Variants in MYO5B observed in about 807,000 individuals in gnomAD.
The protein encoded by MYO5B is unconventional myosin-Vb.
A neutral mutation model predicts 229.3 loss-of-function variants in MYO5B; 143 were observed. The observed-to-expected ratio is 0.62, with a 90% CI of 0.54 to 0.72. The LOEUF is 0.72. MYO5B is among the 30% of genes least tolerant of loss of function. The pLI, the probability that MYO5B is intolerant of heterozygous loss-of-function variation, is 0.00. For synonymous variants in MYO5B, 918 were observed against 885.2 expected (o/e 1.04, Z -0.66); for missense variants, 2,321 against 2,331.0 (o/e 1.00, Z 0.09).
intron 2 of MYO5B, among the ~76,000 whole-genome samples, chr18:50,048,882 C>T (rs1017632182): frequency 3.1e-4 from 47 of 151,970 alleles, no homozygotes; most frequent in African/African-American, 1.1e-3. Context: ...AATTAGCTGG[C>T]GTGGTGGCAT....
At chr18:49,960,732 C>T (rs934278798) in intron 12 of MYO5B, among the ~76,000 whole-genome samples, 1 of 152,214 alleles carries the variant, frequency 6.6e-6, no homozygotes, top group Non-Finnish European at 1.5e-5. Context: ...TGAGTTTACA[C>T]GTGTCACATC....
chr18:50,004,684 T>C (rs1363812084), intron 4 of MYO5B, among the ~76,000 whole-genome samples: 1 of 152,122 alleles, frequency 6.6e-6, no homozygotes, highest in Non-Finnish European at 1.5e-5. Flanking sequence ...AGGAGGATCA[T>C]GAGAGCCCAT....
chr18:50,151,677 C>T (rs1257782499), intron 1 of MYO5B, among the ~76,000 whole-genome samples: 1 of 152,032 alleles, frequency 6.6e-6, no homozygotes, highest in Non-Finnish European at 1.5e-5. Context: ...CACTAGTTTC[C>T]CTTCTTCTAA....
At chr18:50,180,274 G>T (rs1317597681) in intron 1 of MYO5B, among the ~76,000 whole-genome samples, 1 of 152,158 alleles carries the variant, frequency 6.6e-6, no homozygotes, top group African/African-American at 2.4e-5. Flanking sequence ...GGCTTCCCAA[G>T]GACATGACCT....
At chr18:50,182,213 G>T (rs866651112) in intron 1 of MYO5B, among the ~76,000 whole-genome samples, 45 of 152,304 alleles carry the variant, frequency 3.0e-4, no homozygotes, top group African/African-American at 1.0e-3. Flanking sequence ...GGTGAGAGAA[G>T]AAAACAACTC....
intron 14 of MYO5B, among the ~76,000 whole-genome samples, chr18:49,939,504 T>C (rs1370187555): frequency 6.6e-6 from 1 of 152,208 alleles, no homozygotes; most frequent in East Asian, 1.9e-4. Context: ...GTATTTTTGA[T>C]CTGAAGAAAC....
In MYO5B at chr18:49,852,452, T is replaced by C. The variant is rs115769794; in HGVS notation, c.4221+997A>G. On this transcript the variant is annotated intron_variant, in intron 31 of 39. Transcript: ENST00000285039. ...GGGAGAGAGAGGGAGGGAGGGAAGATCATGTGTATGTAAGTGCTATTCAGC... is the reference window on the plus strand; with the variant it reads ...GGGAGAGAGAGGGAGGGAGGGAAGACCATGTGTATGTAAGTGCTATTCAGC... 1.6e-3 allele frequency among the ~76,000 whole-genome samples: 250 copies of C among 152,214 alleles called. 1 individual carries two copies. Among genetic ancestry groups the C allele is most frequent in the African/African-American group, 5.7e-3 (236 of 41,512 alleles).
rs192135533 is a variant in MYO5B at position 49,954,435 on chromosome 18, C to T, written c.1546G>A (p.Val516Ile). Residue 516 changes from valine to isoleucine, a missense_variant and splice_region_variant, in exon 13 of 40, where the codon GTC becomes ATC. This residue lies in a region of MYO5B where 2,113 missense variants were observed against 2,044.7 expected (regional missense o/e 1.03). Coordinates refer to ENST00000285039, the MANE Select transcript of MYO5B (RefSeq NM_001080467.3). ...CAGTTCTGGTCAGTTCCTTTGGGGA[C>T]CTGCAGAACCACAAGATAGGGCAGA... ...ILDLLDEECK[V>I]PKGTDQNWAQ... The T allele has an allele frequency of 2.7e-4, 442 of 1,613,848 alleles. 1 individual carries two copies. The African/African-American group carries it at 3.8e-3, about 14-fold the overall frequency.
At chr18:50,036,081 A>G (rs1346217118) in intron 4 of MYO5B, among the ~76,000 whole-genome samples, 1 of 152,230 alleles carries the variant, frequency 6.6e-6, no homozygotes, top group Non-Finnish European at 1.5e-5. Flanking sequence ...CTCCAAAAAG[A>G]CTTTGCTATA....
Position 49,979,202 on chromosome 18 carries a change from C to T in MYO5B, c.1056+1242G>A, listed in dbSNP as rs144923829. ...AACTCCACTGTACCATGCCCTCCTT[C>T]CCCCTAAGGTGAGCACCCACACAGG... On this transcript the variant is annotated intron_variant, in intron 9 of 39. Transcript: ENST00000285039. 6.0e-3 allele frequency among the ~76,000 whole-genome samples: 919 copies of T among 152,308 alleles called. 8 individuals are homozygous for T. The highest frequency in any genetic ancestry group is 0.022 in the South Asian group (107 of 4,828).
intron 4 of MYO5B, among the ~76,000 whole-genome samples, chr18:50,028,771 T>C (rs1394588342): frequency 6.6e-6 from 1 of 152,232 alleles, no homozygotes; most frequent in African/African-American, 2.4e-5. Flanking sequence ...TTCCACCGGG[T>C]GACGCAGGCT....
chr18:50,009,961 T>C (rs1179915186), intron 4 of MYO5B, among the ~76,000 whole-genome samples: 1 of 152,138 alleles, frequency 6.6e-6, no homozygotes, highest in Non-Finnish European at 1.5e-5. Flanking sequence ...CCTCATGCAG[T>C]CTGCCACCAG....
chr18:50,043,290 A>T (rs1262718719), intron 2 of MYO5B, among the ~76,000 whole-genome samples: 1 of 83,478 alleles, frequency 1.2e-5, no homozygotes, highest in Non-Finnish European at 2.3e-5. Flanking sequence ...ATATTTATAT[A>T]TTATATATAA....
At chr18:49,958,865 C>A (rs2144254667) in intron 12 of MYO5B, among the ~76,000 whole-genome samples, 1 of 152,276 alleles carries the variant, frequency 6.6e-6, no homozygotes, top group South Asian at 2.1e-4. Context: ...AGGGTGCTGC[C>A]CCCTCCAGGG....
rs572162557 is a variant in MYO5B at position 49,997,844 on chromosome 18, A to G, written c.612+3411T>C. Reference sequence around the variant, plus strand: ...GAGGTGTCTGCAGCTGCTGGGCAGCAGACGCAATGAGACAACGCCGTGACC... The same window carrying G: ...GAGGTGTCTGCAGCTGCTGGGCAGCGGACGCAATGAGACAACGCCGTGACC... On this transcript the variant is annotated intron_variant, in intron 5 of 39. Coordinates refer to ENST00000285039, the MANE Select transcript of MYO5B (RefSeq NM_001080467.3). Among the ~76,000 whole-genome samples, 15 of 152,274 alleles carry G rather than the reference A, an allele frequency of 9.9e-5. No homozygotes were observed. In the South Asian group the frequency reaches 2.9e-3, roughly 29 times the overall value.
chr18:49,867,103 C>G (rs1049223018), intron 27 of MYO5B, among the ~76,000 whole-genome samples: 8 of 152,132 alleles, frequency 5.3e-5, no homozygotes, highest in Non-Finnish European at 8.8e-5. Context: ...AAGCAGTGAG[C>G]TGGTCATCGC....
chr18:50,009,869 C>CA (rs1481103208), intron 4 of MYO5B, among the ~76,000 whole-genome samples: 9 of 152,324 alleles, frequency 5.9e-5, no homozygotes, highest in African/African-American at 1.7e-4. Flanking sequence ...CACCTGGAGG[C>CA]AGGGCACTTG....
intron 32 of MYO5B, 152 bp downstream of exon 32, chr18:49,849,415 T>G (rs1405377359): frequency 1.3e-6 from 1 of 759,142 alleles, no homozygotes; most frequent in East Asian, 2.5e-5. Context: ...GCTCATGGGA[T>G]CCAACTTCTA....
At chr18:49,957,573 T>G (rs1406791915) in intron 12 of MYO5B, among the ~76,000 whole-genome samples, 1 of 150,904 alleles carries the variant, frequency 6.6e-6, no homozygotes, top group Non-Finnish European at 1.5e-5. Context: ...TTGAGCCTGG[T>G]AGGTTGGGGC....
Sources: allele counts gnomAD v4.1 joint callset (sites outside exome capture counted in the v4.1 genomes callset), GRCh38; gene constraint gnomAD v4.1.1; regional missense constraint gnomAD v4.1.1; transcripts MANE v1.5; gene names NCBI Gene and HGNC (gene_info 2026-07-23, HGNC 2026-07-21).